The following CUTA variants were observed in gnomAD, a reference collection of about 807,000 sequenced individuals.
The protein encoded by CUTA is cutA divalent cation tolerance homolog.
CUTA carries 21 observed loss-of-function variants against 20.7 expected under a neutral mutation model. The observed-to-expected ratio is 1.01, with a 90% CI of 0.72 to 1.46. CUTA has a LOEUF of 1.46. Ranked by LOEUF, CUTA falls within the 40% of genes most tolerant of loss-of-function variation. CUTA has a pLI of 0.00. For missense variants in CUTA, 231 were observed against 226.8 expected (o/e 1.02, Z -0.12); for synonymous variants, 99 against 97.9 (o/e 1.01, Z -0.07).
Position 33,417,466 on chromosome 6 carries a change from C to A in CUTA, c.257+15G>T. The A allele has an allele frequency of 6.2e-7, 1 of 1,613,946 alleles. No homozygotes were observed. The highest frequency in any genetic ancestry group is 8.5e-7 in the Non-Finnish European group (1 of 1,179,838). ...TTCATGATCATCCTTTCTCGCTGCA[C>A]ATCGAGGTCCCTACCTGGCGATCTC... On this transcript the variant is annotated intron_variant, in intron 2 of 5. Coordinates refer to ENST00000488034, the MANE Select transcript of CUTA (RefSeq NM_001014840.2).
rs1776564393 is a variant in CUTA, at chr6:33,417,231, C to G, written c.317+20G>C. The G allele has an allele frequency of 6.2e-7, 1 of 1,614,140 alleles. No individual in the cohort carries two copies. Among genetic ancestry groups the G allele is most frequent in the South Asian group, 1.1e-5 (1 of 91,084 alleles). ...GTCAGCTCCTACAGTTAGGTTAACC[C>G]CCCAACTCCTATGACTCACATGGAT... On this transcript the variant is annotated intron_variant, in intron 3 of 5. Transcript: ENST00000488034.
chr6:33,417,879 G>A (rs1157277249), intron 1 of CUTA, 80 bp downstream of exon 1: 2 of 1,565,672 alleles, frequency 1.3e-6, no homozygotes, highest in South Asian at 1.2e-5. Context: ...ACCTCAGGGG[G>A]CCAACCTCTG....
Position 33,417,510 on chromosome 6 carries a change from G to T in CUTA, c.228C>A (p.Pro76=). ...CGATCTCCTTGGCGACCTTCTCGTT[G>T]GGGCAAGTAACAAAGGCTGCAGAGA... ...GSVSAAFVTC[P]NEKVAKEIAR... The change falls in exon 2 of 6, where the codon CCC becomes CCA. Residue 76 remains proline (P), a synonymous_variant. Coordinates refer to ENST00000488034, the MANE Select transcript of CUTA (RefSeq NM_001014840.2). The T allele has an allele frequency of 6.2e-7, 1 of 1,614,104 alleles. No homozygotes were observed. The highest frequency in any genetic ancestry group is 1.1e-5 in the South Asian group (1 of 91,084).
At position 33,417,312 on chromosome 6, in the gene CUTA, T is replaced by C; in HGVS notation, c.258-2A>G. 1.6e-5 allele frequency: 26 copies of C among 1,614,188 alleles called. No individual in the cohort carries two copies. The highest frequency in any genetic ancestry group is 2.1e-5 in the Non-Finnish European group (25 of 1,180,026). The stretch of plus-strand genomic sequence containing the variant: ...GCTAGGCGCTTCTCCACCACGGCCC[T>C]GGAGTGAAGAGACAGTCCCATTCAG... On this transcript the variant is annotated splice_acceptor_variant, in intron 2 of 5. Coordinates refer to ENST00000488034, the MANE Select transcript of CUTA (RefSeq NM_001014840.2). LOFTEE classifies it high-confidence loss of function.
intron 5 of CUTA, 21 bp from the exon 6 acceptor site, chr6:33,416,797 G>A (rs755089802): frequency 1.9e-6 from 3 of 1,612,218 alleles, no homozygotes; most frequent in Admixed American, 3.3e-5. Flanking sequence ...GGTGGGTGGG[G>A]GAAGGGGATC....
At position 33,416,692 on chromosome 6, in the gene CUTA, C is replaced by T; in HGVS notation, c.498G>A (p.Gln166=). 1 of 1,613,696 alleles carries T rather than the reference C, an allele frequency of 6.2e-7. No individual in the cohort carries two copies. The highest frequency in any genetic ancestry group is 1.1e-5 in the South Asian group (1 of 91,074). The change falls in exon 6 of 6, where the codon CAG becomes CAA. Residue 166 remains glutamine, a synonymous_variant. Transcript: ENST00000488034. ...GNFPYLQWVR[Q]VTESVSDSIT... The stretch of plus-strand genomic sequence containing the variant: ...TAGAGTCAGAAACTGACTCTGTGAC[C>T]TGGCGCACCCACTGCAGGTACGGAA...
Position 33,416,940 on chromosome 6 carries a change from T to C in CUTA, c.393A>G (p.Pro131=), listed in dbSNP as rs773273132. ...CTCACCGAACAAAATCTGTCAAAGC[T>C]GGGACCAAGGAACTTTGGGTTTTAA... is the stretch of plus-strand genomic sequence containing the variant. ...MMIKTQSSLV[P]ALTDFVRSVH... Residue 131 remains proline (P), a synonymous_variant, in exon 5 of 6, where the codon CCA becomes CCG. Coordinates refer to ENST00000488034, the MANE Select transcript of CUTA (RefSeq NM_001014840.2). 1.9e-6 allele frequency: 3 copies of C among 1,614,114 alleles called. No individual in the cohort carries two copies. In the Admixed American group the frequency reaches 5.0e-5, roughly 27 times the overall value.
At position 33,416,983 on chromosome 6, in the gene CUTA, A is replaced by G; in HGVS notation, c.364-14T>C. 1 of 1,614,136 alleles carries G rather than the reference A, an allele frequency of 6.2e-7. No individual in the cohort carries two copies. Among genetic ancestry groups the G allele is most frequent in the Non-Finnish European group, 8.5e-7 (1 of 1,179,988 alleles). On this transcript the variant is annotated splice_polypyrimidine_tract_variant and intron_variant, in intron 4 of 5. Transcript: ENST00000488034. ...GGTTTTAATCATCTAAGGGACAAAG[A>G]TAAACATGGTTGAATCAAGGAGTGG...
rs762423401 is a variant in CUTA at position 33,416,615 on chromosome 6, G to A, written c.*35C>T. 9.7e-6 allele frequency: 12 copies of A among 1,234,168 alleles called. No individual in the cohort carries two copies. The highest frequency in any genetic ancestry group is 1.9e-4 in the Middle Eastern group (1 of 5,334). 76.5% of individuals were successfully genotyped at this position (1,234,168 alleles called of 1,614,324 possible). ...GGAAGTCAGAAGGCGTTGAAGTATC[G>A]CGGGGATCTTCATGATGAGCAGGAA... On this transcript the variant is annotated 3_prime_UTR_variant, in exon 6 of 6. Transcript: ENST00000488034.
intron 3 of CUTA, 52 bp downstream of exon 3, chr6:33,417,199 G>A: frequency 1.2e-6 from 2 of 1,613,832 alleles, no homozygotes; most frequent in African/African-American, 1.3e-5. Flanking sequence ...CAGGAAAGAG[G>A]TTCCCAGTCA....
In CUTA at chr6:33,417,107, T is replaced by C; in HGVS notation, c.353A>G (p.Glu118Gly). Residue 118 changes from glutamate to glycine, a missense_variant, in exon 4 of 6, where the codon GAG becomes GGG. By Grantham distance (98) the Glu-to-Gly change is moderately conservative. Transcript: ENST00000488034. ...GGAAATGTTTCTCACCATCAGCACC[T>C]CACTGTCTTCCTCGATCTTCCCTTT... is the stretch of plus-strand genomic sequence containing the variant. ...EWKGKIEEDS[E>G]VLMMIKTQSS... is the part of the protein sequence containing the mutation. 6.2e-7 allele frequency: 1 copy of C among 1,611,698 alleles called. No homozygotes were observed. Among genetic ancestry groups the C allele is most frequent in the Non-Finnish European group, 8.5e-7 (1 of 1,178,254 alleles).
chr6:33,418,078 T>C lies in CUTA; in HGVS notation c.-78A>G. 1 of 1,614,200 alleles carries C rather than the reference T, an allele frequency of 6.2e-7. No homozygotes were observed. The highest frequency in any genetic ancestry group is 8.5e-7 in the Non-Finnish European group (1 of 1,180,030). ...AGAAACAACCCCAGGAAGAGCGGCC[T>C]CTTCTTACCTGGGTGGCAGCCACGT... On this transcript the variant is annotated 5_prime_UTR_variant, in exon 1 of 6. Transcript: ENST00000488034. This position sits in a 1 kb window ranked among gnomAD's most constrained non-coding sequence, Gnocchi z 5.7.
In CUTA at chr6:33,416,580, G is replaced by C. The variant is rs773698135; in HGVS notation, c.*70C>G. Reference sequence around the variant, plus strand: ...AAAGACGGGATTTATTGGGGGCCCAGTCATCACCTGGAAGTCAGAAGGCGT... The same window carrying C: ...AAAGACGGGATTTATTGGGGGCCCACTCATCACCTGGAAGTCAGAAGGCGT... On this transcript the variant is annotated 3_prime_UTR_variant, in exon 6 of 6. Coordinates refer to ENST00000488034, the MANE Select transcript of CUTA (RefSeq NM_001014840.2). The C allele has an allele frequency of 1.8e-5, 17 of 936,610 alleles. No homozygotes were observed. The highest frequency in any genetic ancestry group is 2.8e-5 in the Non-Finnish European group (16 of 567,248). 58.0% of individuals were successfully genotyped at this position (936,610 alleles called of 1,614,324 possible).
chr6:33,417,209 A>G (rs1776563024), intron 3 of CUTA, 42 bp downstream of exon 3: 4 of 1,614,076 alleles, frequency 2.5e-6, no homozygotes, highest in Non-Finnish European at 3.4e-6. Context: ...GTTCCCAGTC[A>G]GCTCCTACAG....
chr6:33,417,300 C>T lies in CUTA; in HGVS notation c.268G>A (p.Glu90Lys). The stretch of plus-strand genomic sequence containing the variant: ...TTGACGCAGGCTGCTAGGCGCTTCT[C>T]CACCACGGCCCTGGAGTGAAGAGAC... ...VAKEIARAVVEKRLAACVNLI... is the reference protein window; with the variant it reads ...VAKEIARAVVKKRLAACVNLI... Residue 90 changes from glutamate (E) to lysine (K), a missense_variant, in exon 3 of 6, where the codon GAG becomes AAG. By Grantham distance (56) the Glu-to-Lys change is moderately conservative. Transcript: ENST00000488034. 1 of 1,614,204 alleles carries T rather than the reference C, an allele frequency of 6.2e-7. No homozygotes were observed. Among genetic ancestry groups the T allele is most frequent in the Non-Finnish European group, 8.5e-7 (1 of 1,180,034 alleles).
At chr6:33,417,829 G>A in intron 1 of CUTA, 130 bp downstream of exon 1, 1 of 1,544,070 alleles carries the variant, frequency 6.5e-7, no homozygotes, top group Non-Finnish European at 8.7e-7. Flanking sequence ...GAAGGTGAGA[G>A]AGAAACTTGG....
chr6:33,417,567 C>T lies in CUTA; in HGVS notation c.171G>A (p.Ser57=). ...CCGGAACGTAGCCAGAGCCGGAATCCGAGGCCGGCGAGGGCTGGGTCGGAG... is the reference window on the plus strand; with the variant it reads ...CCGGAACGTAGCCAGAGCCGGAATCTGAGGCCGGCGAGGGCTGGGTCGGAG... ...GSPPTQPSPA[S]DSGSGYVPGS... Residue 57 remains serine, a synonymous_variant, in exon 2 of 6, where the codon TCG becomes TCA. Coordinates refer to ENST00000488034, the MANE Select transcript of CUTA (RefSeq NM_001014840.2). 1.9e-6 allele frequency: 3 copies of T among 1,614,106 alleles called. No homozygotes were observed. The highest frequency in any genetic ancestry group is 2.2e-5 in the East Asian group (1 of 44,884).
At position 33,416,761 on chromosome 6, in the gene CUTA, G is replaced by A. The variant is rs771407202; in HGVS notation, c.429C>T (p.Tyr143=). Residue 143 remains tyrosine (Y), a synonymous_variant, in exon 6 of 6, where the codon TAC becomes TAT. Transcript: ENST00000488034. ...GCAATGCAATTACCTCGGCCACTTCGTAAGGGTGCACAGAACTACAAAATA... is the reference window on the plus strand; with the variant it reads ...GCAATGCAATTACCTCGGCCACTTCATAAGGGTGCACAGAACTACAAAATA... ...LTDFVRSVHP[Y]EVAEVIALPV... 5.0e-6 allele frequency: 8 copies of A among 1,614,010 alleles called. No individual in the cohort carries two copies. Among genetic ancestry groups the A allele is most frequent in the East Asian group, 2.2e-5 (1 of 44,900 alleles).
intron 3 of CUTA, 46 bp from the exon 4 acceptor site, chr6:33,417,188 C>T (rs1562862319): frequency 6.2e-7 from 1 of 1,613,370 alleles, no homozygotes; most frequent in African/African-American, 1.3e-5. Flanking sequence ...AGAATTTCCC[C>T]CAGGAAAGAG....
Sources: gnomAD v4.1 joint callset for allele counts on GRCh38, gnomAD v4.1.1 for gene constraint, Gnocchi (gnomAD v3.1) non-coding constraint, MANE v1.5 for transcripts, NCBI Gene and HGNC (gene_info 2026-07-23, HGNC 2026-07-21) for gene names.